Variants in SNTB1 observed in about 807,000 individuals in gnomAD.
The protein encoded by SNTB1 is syntrophin beta 1, also known as beta-1-syntrophin.
SNTB1 carries 36 observed loss-of-function variants against 48.9 expected under a neutral mutation model. That is an observed-to-expected ratio of 0.74 (90% CI 0.56 to 0.97). The LOEUF is 0.97. Among genes scored for constraint, SNTB1 ranks in the 50% least tolerant of loss-of-function variants. The pLI is 0.00. For missense variants in SNTB1, 786 were observed against 703.4 expected, an observed-to-expected ratio of 1.12 and a Z score of -1.33; for synonymous variants, 299 against 294.6, an observed-to-expected ratio of 1.01 and a Z score of -0.15.
intron 2 of SNTB1, among the ~76,000 whole-genome samples, chr8:120,692,459 G>A (rs925314479): frequency 4.6e-5 from 7 of 152,056 alleles, no homozygotes; most frequent in African/African-American, 9.7e-5. Context: ...TTGCTGGCTC[G>A]ATCCCTCGCT....
In SNTB1 at chr8:120,575,140, C is replaced by T. The variant is rs771832700; in HGVS notation, c.1082G>A (p.Arg361Gln). 31 of 1,614,022 alleles carry T rather than the reference C, an allele frequency of 1.9e-5. No individual in the cohort carries two copies. Among genetic ancestry groups the T allele is most frequent in the Non-Finnish European group, 2.5e-5 (29 of 1,180,010 alleles). Residue 361 changes from arginine to glutamine, a missense_variant, in exon 4 of 7, where the codon CGG becomes CAG. Transcript: ENST00000517992. ...TGGGCTGAACCAGGCTTCCTTCCTC[C>T]GTGGCATGCTGTCATAGATTAAAAG... ...KDLLIYDSMP[R>Q]RKEAWFSPVH...
Position 120,536,792 on chromosome 8 carries a change from TATG to T in SNTB1, c.*2082_*2084del, listed in dbSNP as rs1000847398. On this transcript the variant is annotated 3_prime_UTR_variant, in exon 7 of 7. Coordinates refer to ENST00000517992, the MANE Select transcript of SNTB1 (RefSeq NM_021021.4). ...GTGATAAAGAAATCATATTTGTAAT[TATG>T]ATCATTTTAATTTGTCTATAAATAT... The T allele has an allele frequency of 6.6e-6, 1 of 152,052 alleles. No homozygotes were observed. Among genetic ancestry groups the T allele is most frequent in the African/African-American group, 2.4e-5 (1 of 41,430 alleles). 9.4% of individuals were successfully genotyped at this position (152,052 alleles called of 1,614,324 possible).
At chr8:120,627,056 A>T (rs915539077) in intron 3 of SNTB1, among the ~76,000 whole-genome samples, 1 of 152,184 alleles carries the variant, frequency 6.6e-6, no homozygotes, top group Non-Finnish European at 1.5e-5. Context: ...AAAGGGAGTT[A>T]TCTCCTTTGC....
intron 1 of SNTB1, among the ~76,000 whole-genome samples, chr8:120,798,335 C>T (rs1354249484): frequency 6.6e-6 from 1 of 152,020 alleles, no homozygotes; most frequent in Non-Finnish European, 1.5e-5. Flanking sequence ...GTAGGCTGTA[C>T]ACCAGTGCCT....
intron 3 of SNTB1, among the ~76,000 whole-genome samples, chr8:120,596,176 C>G (rs985624683): frequency 6.6e-6 from 1 of 152,150 alleles, no homozygotes; most frequent in African/African-American, 2.4e-5. Flanking sequence ...TTTTTCTATG[C>G]CTTTTAAGCT....
intron 3 of SNTB1, among the ~76,000 whole-genome samples, chr8:120,580,528 A>G (rs531334628): frequency 6.6e-6 from 1 of 152,304 alleles, no homozygotes; most frequent in East Asian, 1.9e-4. Context: ...CCCAGCTCCC[A>G]TGAGCAGGAA....
At chr8:120,615,108 G>A (rs891429802) in intron 3 of SNTB1, among the ~76,000 whole-genome samples, 2 of 151,784 alleles carry the variant, frequency 1.3e-5, no homozygotes, top group Admixed American at 6.6e-5. Flanking sequence ...CCGAGATTGC[G>A]CCACTGCACT....
chr8:120,646,394 A>G (rs1451928541), intron 2 of SNTB1, among the ~76,000 whole-genome samples: 2 of 148,654 alleles, frequency 1.3e-5, no homozygotes, highest in Admixed American at 1.4e-4. Flanking sequence ...AATTTTGTCA[A>G]AGGCTTTTTC....
intron 3 of SNTB1, among the ~76,000 whole-genome samples, chr8:120,578,942 C>T (rs1815993842): frequency 1.3e-5 from 2 of 152,042 alleles, no homozygotes; most frequent in African/African-American, 4.8e-5. Flanking sequence ...TTTGGGAGGC[C>T]GAGGTGGGCA....
chr8:120,809,616 C>G (rs1017876129), intron 1 of SNTB1, among the ~76,000 whole-genome samples: 1 of 152,102 alleles, frequency 6.6e-6, no homozygotes, highest in Non-Finnish European at 1.5e-5. Flanking sequence ...CGCCCCACCC[C>G]AACCCCTCCT....
intron 2 of SNTB1, among the ~76,000 whole-genome samples, chr8:120,671,791 CA>C (rs1170983463): frequency 6.6e-6 from 1 of 152,198 alleles, no homozygotes; most frequent in African/African-American, 2.4e-5. Context: ...GACATTTTAA[CA>C]TAAAAAGCTG....
chr8:120,568,925 G>A (rs530446751), intron 4 of SNTB1, among the ~76,000 whole-genome samples: 1 of 152,292 alleles, frequency 6.6e-6, no homozygotes, highest in South Asian at 2.1e-4. Flanking sequence ...AACTGGGTCT[G>A]CTTTATGGTT....
At position 120,564,655 on chromosome 8, in the gene SNTB1, G is replaced by A. The variant is rs745311499; in HGVS notation, c.1136+10431C>T. Among the ~76,000 whole-genome samples the A allele has an allele frequency of 1.5e-4, 19 of 126,000 alleles. No individual in the cohort carries two copies. In the East Asian group the frequency reaches 2.4e-3, roughly 16 times the overall value. 82.7% of individuals were successfully genotyped at this position (126,000 alleles called of 152,430 possible). A position where few individuals can be genotyped will look rare whatever the true frequency, so the allele number is the denominator to read the frequency against. On this transcript the variant is annotated intron_variant, in intron 4 of 6. Transcript: ENST00000517992. ...GTGATATCGGCTCACTGCAACCTCC[G>A]CCTCCCAGGTTCAGGTGATTCTCCT...
At chr8:120,703,331 G>C (rs1587101308) in intron 1 of SNTB1, among the ~76,000 whole-genome samples, 1 of 152,212 alleles carries the variant, frequency 6.6e-6, no homozygotes. Context: ...CACCATGTTG[G>C]CCAGGCTGGT....
chr8:120,553,117 C>T (rs1415878634), intron 4 of SNTB1, among the ~76,000 whole-genome samples: 1 of 152,184 alleles, frequency 6.6e-6, no homozygotes, highest in Admixed American at 6.5e-5. Flanking sequence ...GGCCACAGAC[C>T]GCTACAGGTC....
At chr8:120,643,559 T>C (rs1038540831) in intron 2 of SNTB1, among the ~76,000 whole-genome samples, 1 of 152,250 alleles carries the variant, frequency 6.6e-6, no homozygotes, top group African/African-American at 2.4e-5. Flanking sequence ...AGAATAATAG[T>C]TTCCAACTTC....
intron 2 of SNTB1, among the ~76,000 whole-genome samples, chr8:120,646,143 G>C (rs1817293886): frequency 7.3e-6 from 1 of 137,570 alleles, no homozygotes; most frequent in Non-Finnish European, 1.6e-5. Flanking sequence ...TTTCCTAATT[G>C]AATACCCTTT....
chr8:120,765,842 G>A (rs78948848), intron 1 of SNTB1: 4 of 152,056 alleles, frequency 2.6e-5, no homozygotes, highest in Admixed American at 2.0e-4. Flanking sequence ...CTGTGACCTG[G>A]AGCATGGAAA....
At chr8:120,649,701 C>T (rs1379924269) in intron 2 of SNTB1, among the ~76,000 whole-genome samples, 4 of 151,854 alleles carry the variant, frequency 2.6e-5, no homozygotes, top group African/African-American at 4.8e-5. Context: ...CCACCCAGTT[C>T]GAGCTTCCCG....
Sources: gnomAD v4.1 joint callset for allele counts (sites outside exome capture counted in the v4.1 genomes callset) on GRCh38, gnomAD v4.1.1 for gene constraint, MANE v1.5 for transcripts, NCBI Gene and HGNC (gene_info 2026-07-23, HGNC 2026-07-21) for gene names.